The following GBP7 variants were observed in gnomAD, a reference collection of about 807,000 sequenced individuals.
GBP7 encodes the protein guanylate binding protein 7.
Under a neutral mutation model 61.3 loss-of-function variants are expected in GBP7, and 43 were observed. That is an observed-to-expected ratio of 0.70 (90% CI 0.55 to 0.91). The LOEUF is 0.91. GBP7 is among the 40% of genes least tolerant of loss of function. The pLI is 0.00. For synonymous variants in GBP7, 267 were observed against 271.0 expected (o/e 0.99, Z 0.14); for missense variants, 717 against 740.5 (o/e 0.97, Z 0.37).
chr1:89,147,600 C>T lies in GBP7; in HGVS notation c.1332G>A (p.Gln444=). ...IYLEAKKKIE[Q]DYTLVPRKGV... is the part of the protein sequence containing the mutation. The stretch of plus-strand genomic sequence containing the variant: ...CTTTTCTGGGCACTAGTGTATAGTC[C>T]TGTTCAATCTTCTTTTTTGCTTCTA... The change falls in exon 8 of 11, where the codon CAG becomes CAA. Residue 444 remains glutamine (Q), a synonymous_variant. Coordinates refer to ENST00000294671, the MANE Select transcript of GBP7 (RefSeq NM_207398.3). The T allele has an allele frequency of 6.2e-7, 1 of 1,614,054 alleles. No homozygotes were observed. Among genetic ancestry groups the T allele is most frequent in the Non-Finnish European group, 8.5e-7 (1 of 1,179,936 alleles).
At chr1:89,148,387 C>T (rs796960783) in intron 7 of GBP7, among the ~76,000 whole-genome samples, 16 of 152,276 alleles carry the variant, frequency 1.1e-4, no homozygotes, top group African/African-American at 1.2e-4. Context: ...ATTTCCCCTC[C>T]GAGGTTTCCA....
chr1:89,172,949 G>C (rs960862685), intron 1 of GBP7, among the ~76,000 whole-genome samples: 6 of 151,982 alleles, frequency 3.9e-5, no homozygotes, highest in African/African-American at 1.2e-4. Context: ...TGCAGACTCA[G>C]AGATATTAGT....
At position 89,131,975 on chromosome 1, in the gene GBP7, C is replaced by A; in HGVS notation, c.*174G>T. ...AATAATTTTATCTTCTAACTTGTTCCCCATTTCTATTAATTATTACTTTAG... is the reference window on the plus strand; with the variant it reads ...AATAATTTTATCTTCTAACTTGTTCACCATTTCTATTAATTATTACTTTAG... On this transcript the variant is annotated 3_prime_UTR_variant, in exon 11 of 11. Transcript: ENST00000294671. The A allele has an allele frequency of 2.1e-6, 1 of 465,472 alleles. No individual in the cohort carries two copies. Among genetic ancestry groups the A allele is most frequent in the South Asian group, 4.8e-5 (1 of 20,878 alleles). 28.8% of individuals were successfully genotyped at this position (465,472 alleles called of 1,614,324 possible).
chr1:89,171,960 AGG>A lies in GBP7; in HGVS notation c.-19-8_-19-7del. ...TGTTCAGGGCGTTCCTCTGTCTGCAAGGAAAAAATGAAATGGAAAGTAATGTC... is the reference window on the plus strand; with the variant it reads ...TGTTCAGGGCGTTCCTCTGTCTGCAAAAAAAATGAAATGGAAAGTAATGTC... On this transcript the variant is annotated splice_polypyrimidine_tract_variant and splice_region_variant and intron_variant, in intron 1 of 10. Transcript: ENST00000294671. 1 of 1,595,196 alleles carries A rather than the reference AGG, an allele frequency of 6.3e-7. No individual in the cohort carries two copies. The highest frequency in any genetic ancestry group is 1.7e-5 in the Admixed American group (1 of 58,704).
chr1:89,157,373 A>C (rs1404569003), intron 3 of GBP7, among the ~76,000 whole-genome samples: 2 of 152,206 alleles, frequency 1.3e-5, no homozygotes, highest in African/African-American at 4.8e-5. Context: ...GCTGAAGGAG[A>C]TAGAGACACA....
At chr1:89,164,593 G>T in intron 3 of GBP7, 138 bp downstream of exon 3, 1 of 851,770 alleles carries the variant, frequency 1.2e-6, no homozygotes, top group Non-Finnish European at 1.8e-6. Context: ...GTAAGTTCCA[G>T]AAAATGAAAT....
At chr1:89,159,798 CGTG>C (rs1284190455) in intron 3 of GBP7, among the ~76,000 whole-genome samples, 3 of 152,108 alleles carry the variant, frequency 2.0e-5, no homozygotes, top group Non-Finnish European at 4.4e-5. Flanking sequence ...TGGAAGACGG[CGTG>C]GTGATTCCAC....
intron 9 of GBP7, among the ~76,000 whole-genome samples, chr1:89,134,893 T>G (rs1681763313): frequency 6.6e-6 from 1 of 152,082 alleles, no homozygotes; most frequent in Non-Finnish European, 1.5e-5. Context: ...TGGATGGCAA[T>G]GAAGATTATC....
chr1:89,158,053 C>T (rs111947176), intron 3 of GBP7, among the ~76,000 whole-genome samples: 5 of 152,276 alleles, frequency 3.3e-5, no homozygotes, highest in African/African-American at 1.2e-4. Context: ...AAGGCTGGTT[C>T]AACACATGCA....
intron 3 of GBP7, among the ~76,000 whole-genome samples, chr1:89,155,126 G>A (rs1682284290): frequency 6.6e-6 from 1 of 152,240 alleles, no homozygotes. Flanking sequence ...CAACAGACCT[G>A]CAGCTGAAGG....
Position 89,132,368 on chromosome 1 carries a change from C to T in GBP7, c.1698G>A (p.Glu566=). Residue 566 remains glutamate, a synonymous_variant, in exon 11 of 11, where the codon GAG becomes GAA. Transcript: ENST00000294671. ...LEELLTEGFK[E]IFESLNEEIN... ...TCTCTTCATTTAACGACTCAAATAT[C>T]TCTTTAAATCCTTCAGTAAGCAGTT... 1 of 1,611,644 alleles carries T rather than the reference C, an allele frequency of 6.2e-7. No homozygotes were observed. Among genetic ancestry groups the T allele is most frequent in the East Asian group, 2.2e-5 (1 of 44,858 alleles).
At chr1:89,164,417 G>T (rs1647363783) in intron 3 of GBP7, among the ~76,000 whole-genome samples, 1 of 152,128 alleles carries the variant, frequency 6.6e-6, no homozygotes, top group African/African-American at 2.4e-5. Context: ...CATTTACCTG[G>T]TTCATTGATT....
intron 3 of GBP7, among the ~76,000 whole-genome samples, chr1:89,160,016 G>A (rs1682400885): frequency 6.6e-6 from 1 of 152,162 alleles, no homozygotes; most frequent in Admixed American, 6.5e-5. Flanking sequence ...ATATACCATG[G>A]AATACCATGC....
intron 2 of GBP7, among the ~76,000 whole-genome samples, chr1:89,167,461 G>A (rs1161937396): frequency 6.6e-6 from 1 of 151,810 alleles, no homozygotes; most frequent in East Asian, 1.9e-4. Context: ...ACTTCTGCAT[G>A]CCTGGTTTAA....
At chr1:89,147,502 G>T in intron 8 of GBP7, 65 bp downstream of exon 8, 2 of 1,255,982 alleles carry the variant, frequency 1.6e-6, no homozygotes, top group Non-Finnish European at 2.3e-6. Context: ...TAGATTTTCA[G>T]AAGAGGCAAC....
At chr1:89,148,257 G>T (rs928514564) in intron 7 of GBP7, among the ~76,000 whole-genome samples, 2 of 152,196 alleles carry the variant, frequency 1.3e-5, no homozygotes, top group African/African-American at 4.8e-5. Context: ...AGCTATGATT[G>T]CATCTGGGTT....
chr1:89,134,535 C>A (rs1391746911), intron 9 of GBP7, among the ~76,000 whole-genome samples: 3 of 151,882 alleles, frequency 2.0e-5, no homozygotes, highest in Non-Finnish European at 4.4e-5. Flanking sequence ...GGCCTGGTCC[C>A]AGCCTACTAA....
chr1:89,148,993 A>G (rs1479598760), intron 7 of GBP7, among the ~76,000 whole-genome samples: 1 of 152,114 alleles, frequency 6.6e-6, no homozygotes, highest in East Asian at 1.9e-4. Context: ...GTCATTCTAA[A>G]TACTATTCTC....
chr1:89,157,062 A>C (rs1046651481), intron 3 of GBP7, among the ~76,000 whole-genome samples: 1 of 152,146 alleles, frequency 6.6e-6, no homozygotes, highest in Non-Finnish European at 1.5e-5. Flanking sequence ...ACTCAAAACC[A>C]CTCAACTACA....
Sources: allele counts gnomAD v4.1 joint callset (sites outside exome capture counted in the v4.1 genomes callset), GRCh38; gene constraint gnomAD v4.1.1; transcripts MANE v1.5; gene names NCBI Gene and HGNC (gene_info 2026-07-23, HGNC 2026-07-21).